The following YEATS4 variants were observed in gnomAD, a reference collection of about 807,000 sequenced individuals.
YEATS4 encodes YEATS domain containing 4.
In YEATS4, 17 loss-of-function variants were observed where a neutral mutation model predicts 30.1. The observed-to-expected ratio is 0.56, with a 90% CI of 0.39 to 0.85. The LOEUF is 0.85. Ranked by LOEUF, YEATS4 falls within the 40% of genes least tolerant of loss-of-function variation. The probability of loss-of-function intolerance (pLI) is 0.00; values close to 1 mark genes in which losing one functional copy is unlikely to be tolerated. For synonymous variants in YEATS4, 85 were observed against 87.5 expected, an observed-to-expected ratio of 0.97 and a Z score of 0.16; for missense variants, 142 against 268.3, an observed-to-expected ratio of 0.53 and a Z score of 3.29.
intron 1 of YEATS4, among the ~76,000 whole-genome samples, chr12:69,362,027 T>TGTTTTTTTTTG (rs1555174262): frequency 3.5e-5 from 5 of 142,640 alleles, no homozygotes; most frequent in South Asian, 2.2e-4. Context: ...TTTTTTTTTT[T>TGTTTTTTTTTG]TTTTTTTGGA....
intron 6 of YEATS4, among the ~76,000 whole-genome samples, chr12:69,375,348 G>A (rs973845991): frequency 1.4e-4 from 21 of 150,452 alleles, no homozygotes; most frequent in African/African-American, 3.7e-4. Context: ...GAGGATGGGC[G>A]GCCGGACAGA....
intron 6 of YEATS4, among the ~76,000 whole-genome samples, chr12:69,384,406 A>G (rs867799855): frequency 6.6e-6 from 1 of 152,364 alleles, no homozygotes; most frequent in Middle Eastern, 3.4e-3. Context: ...ATGGAGCTGT[A>G]TAACCTTGGG....
At chr12:69,401,547 G>T in the YEATS4 span, among the ~76,000 whole-genome samples, 1 of 152,210 alleles carries the variant, frequency 6.6e-6, no homozygotes, top group South Asian at 2.1e-4. Context: ...GGGAGTCCTG[G>T]AAGGACATGC....
At chr12:69,415,705 CTG>C in the YEATS4 span, among the ~76,000 whole-genome samples, 1 of 152,154 alleles carries the variant, frequency 6.6e-6, no homozygotes, top group African/African-American at 2.4e-5. Flanking sequence ...AAAGCCAAGA[CTG>C]TGTATGGGGA....
intron 1 of YEATS4, among the ~76,000 whole-genome samples, chr12:69,362,013 G>GTTTTTGTTTTTTTTTGTTTTTTT (rs1555174243): frequency 4.3e-5 from 3 of 69,052 alleles, no homozygotes; most frequent in Non-Finnish European, 6.3e-5. Flanking sequence ...GTGTTTGGTT[G>GTTTTTGTTTTTTTTTGTTTTTTT]TTTTTTTTTT....
At chr12:69,420,363 AACTC>A in the YEATS4 span, among the ~76,000 whole-genome samples, 7 of 151,574 alleles carry the variant, frequency 4.6e-5, no homozygotes, top group Non-Finnish European at 8.8e-5. Flanking sequence ...TTACTGTGAG[AACTC>A]CATCACAGTT....
At chr12:69,393,915 T>C (rs1268387389), downstream of YEATS4, among the ~76,000 whole-genome samples, 1 of 152,236 alleles carries the variant, frequency 6.6e-6, no homozygotes, top group Non-Finnish European at 1.5e-5. Flanking sequence ...CTTATCTTGA[T>C]CTTACTGGAT....
At chr12:69,366,085 T>C (rs1470863374) in intron 4 of YEATS4, among the ~76,000 whole-genome samples, 1 of 151,832 alleles carries the variant, frequency 6.6e-6, no homozygotes, top group Admixed American at 6.6e-5. Flanking sequence ...GAAAAAAACA[T>C]ATAATATGAA....
Position 69,375,902 on chromosome 12 carries a change from G to C in YEATS4, c.514+4927G>C, listed in dbSNP as rs563720863. ...CAGAGGGAGACCGCGCAGAGAGGGA[G>C]GGGGAGGGGGAGACTTCTTTCTTGA... On this transcript the variant is annotated intron_variant, in intron 6 of 6. Transcript: ENST00000247843. 2.6e-5 allele frequency among the ~76,000 whole-genome samples: 4 copies of C among 152,132 alleles called. No individual in the cohort carries two copies. The East Asian group carries it at 7.7e-4, about 29-fold the overall frequency.
chr12:69,365,761 A>T (rs1435416975), intron 3 of YEATS4, 29 bp from the exon 4 acceptor site: 2 of 1,531,138 alleles, frequency 1.3e-6, no homozygotes, highest in Non-Finnish European at 1.7e-6. Context: ...AACTAAACCG[A>T]TAATTTACTA....
At chr12:69,407,702 CTTTTTTTTTTTT>C in the YEATS4 span, among the ~76,000 whole-genome samples, 36 of 62,632 alleles carry the variant, frequency 5.7e-4, no homozygotes, top group African/African-American at 1.6e-3. Flanking sequence ...TACTTTTTGT[CTTTTTTTTTTTT>C]TTTTTTTTTT....
the YEATS4 span, among the ~76,000 whole-genome samples, chr12:69,403,049 G>A: frequency 6.6e-6 from 1 of 152,078 alleles, no homozygotes; most frequent in Non-Finnish European, 1.5e-5. Flanking sequence ...TTGAAAAAAT[G>A]TAAAAAATAT....
At chr12:69,412,460 C>A in the YEATS4 span, among the ~76,000 whole-genome samples, 32 of 152,010 alleles carry the variant, frequency 2.1e-4, no homozygotes, top group East Asian at 5.4e-3. Context: ...GACCAGCTGG[C>A]CAATATGGTG....
rs185558154 is a variant in YEATS4, at chr12:69,386,497, C to T, written c.515-3650C>T. Among the ~76,000 whole-genome samples the T allele has an allele frequency of 3.0e-3, 462 of 152,282 alleles. 4 individuals carry two copies. The highest frequency in any genetic ancestry group is 0.01 in the African/African-American group (432 of 41,552). On this transcript the variant is annotated intron_variant, in intron 6 of 6. Coordinates refer to ENST00000247843, the MANE Select transcript of YEATS4 (RefSeq NM_006530.4). ...GAAGCCCTCCTTCATAAAACTCACCCTTTCTACTTGATTTGAATCCAGTCT... is the reference window on the plus strand; with the variant it reads ...GAAGCCCTCCTTCATAAAACTCACCTTTTCTACTTGATTTGAATCCAGTCT...
chr12:69,422,934 A>G, the YEATS4 span: 1 of 152,374 alleles, frequency 6.6e-6, no homozygotes, highest in African/African-American at 2.4e-5. Context: ...GAAGGATCCA[A>G]TACCCCTCCC....
At chr12:69,375,162 CG>C (rs1316984042) in intron 6 of YEATS4, among the ~76,000 whole-genome samples, 1 of 147,096 alleles carries the variant, frequency 6.8e-6, no homozygotes, top group Non-Finnish European at 1.5e-5. Flanking sequence ...GGCTGCCGGG[CG>C]TAGGGGCTCC....
At chr12:69,413,729 A>G in the YEATS4 span, among the ~76,000 whole-genome samples, 1 of 151,704 alleles carries the variant, frequency 6.6e-6, no homozygotes, top group Non-Finnish European at 1.5e-5. Context: ...GTGCACGCCT[A>G]TGGTCCCAGC....
chr12:69,408,201 C>T, the YEATS4 span, among the ~76,000 whole-genome samples: 7 of 152,078 alleles, frequency 4.6e-5, no homozygotes, highest in Admixed American at 2.0e-4. Context: ...ACAAGATCAT[C>T]GGAGTCATCA....
intron 2 of YEATS4, 114 bp from the exon 3 acceptor site, chr12:69,365,519 A>G (rs1647294673): frequency 1.4e-6 from 1 of 714,734 alleles, no homozygotes; most frequent in South Asian, 2.1e-5. Context: ...ATTAGATTCC[A>G]TAAAATTTGA....
Sources: gnomAD v4.1 joint callset for allele counts (sites outside exome capture counted in the v4.1 genomes callset) on GRCh38, gnomAD v4.1.1 for gene constraint, MANE v1.5 for transcripts, NCBI Gene and HGNC (gene_info 2026-07-23, HGNC 2026-07-21) for gene names.